Variants in RSBN1L observed in about 807,000 individuals in gnomAD.
RSBN1L encodes the protein round spermatid basic protein 1 like.
A neutral mutation model predicts 67.7 loss-of-function variants in RSBN1L; 30 were observed. That is an observed-to-expected ratio of 0.44 (90% CI 0.33 to 0.60). The LOEUF is 0.60. Among genes scored for constraint, RSBN1L ranks in the 20% least tolerant of loss-of-function variants. The pLI is 0.02. For missense variants in RSBN1L, 992 were observed against 1,031.7 expected, an observed-to-expected ratio of 0.96 and a Z score of 0.53; for synonymous variants, 433 against 387.0, an observed-to-expected ratio of 1.12 and a Z score of -1.39.
At chr7:77,740,084 A>C (rs936412107) in intron 2 of RSBN1L, among the ~76,000 whole-genome samples, 1 of 151,950 alleles carries the variant, frequency 6.6e-6, no homozygotes, top group Admixed American at 6.6e-5. Context: ...AATACACACA[A>C]AATTATATAT....
At position 77,782,791 on chromosome 7, in the gene RSBN1L, G is replaced by A. The variant is rs577176411; in HGVS notation, c.*3623G>A. 8 of 152,256 alleles carry A rather than the reference G, an allele frequency of 5.3e-5. No homozygotes were observed. The highest frequency in any genetic ancestry group is 3.4e-3 in the Middle Eastern group (1 of 294). 9.4% of individuals were successfully genotyped at this position (152,256 alleles called of 1,614,324 possible). On this transcript the variant is annotated 3_prime_UTR_variant, in exon 8 of 8. Transcript: ENST00000334955. The stretch of plus-strand genomic sequence containing the variant: ...AGGTATTTCATTAGTGTTCCTGAGT[G>A]TAAAACAGTTTTTTCCCAAATACTT...
intron 1 of RSBN1L, among the ~76,000 whole-genome samples, chr7:77,720,350 TG>T (rs1791099004): frequency 6.6e-6 from 1 of 151,880 alleles, no homozygotes; most frequent in Non-Finnish European, 1.5e-5. Flanking sequence ...CACCTGAGGT[TG>T]GGAGTTCAAG....
At chr7:77,703,755 T>G (rs1366919081) in intron 1 of RSBN1L, among the ~76,000 whole-genome samples, 30 of 152,084 alleles carry the variant, frequency 2.0e-4, no homozygotes, top group Non-Finnish European at 3.5e-4. Context: ...CCCAAAGTGC[T>G]AGGATTACAG....
intron 1 of RSBN1L, among the ~76,000 whole-genome samples, chr7:77,711,529 T>C (rs1177868384): frequency 2.0e-5 from 3 of 151,998 alleles, no homozygotes. Context: ...TTTTCATAGA[T>C]ATGGCTTCTT....
intron 1 of RSBN1L, among the ~76,000 whole-genome samples, chr7:77,733,395 T>C (rs1396641198): frequency 3.3e-5 from 5 of 152,222 alleles, no homozygotes; most frequent in Non-Finnish European, 7.3e-5. Flanking sequence ...CTGTCTTGGC[T>C]TTGCCATTGT....
At chr7:77,711,304 A>G (rs550551089) in intron 1 of RSBN1L, among the ~76,000 whole-genome samples, 39 of 151,680 alleles carry the variant, frequency 2.6e-4, no homozygotes, top group Non-Finnish European at 5.0e-4. Flanking sequence ...TTGTATAAAA[A>G]AGATATTTTG....
Position 77,778,890 on chromosome 7 carries a change from G to A in RSBN1L, c.2263G>A (p.Glu755Lys), listed in dbSNP as rs1487897187. 1 of 1,613,982 alleles carries A rather than the reference G, an allele frequency of 6.2e-7. No individual in the cohort carries two copies. The highest frequency in any genetic ancestry group is 1.3e-5 in the African/African-American group (1 of 75,032). The change falls in exon 8 of 8, where the codon GAA becomes AAA. Residue 755 changes from glutamate (E) to lysine (K), a missense_variant. Coordinates refer to ENST00000334955, the MANE Select transcript of RSBN1L (RefSeq NM_198467.3). ...SKYELQQIKH[E>K]PIASVRIKEE... The stretch of plus-strand genomic sequence containing the variant: ...ATATGAATTACAGCAGATTAAACAT[G>A]AACCTATTGCATCTGTAAGAATCAA...
intron 6 of RSBN1L, among the ~76,000 whole-genome samples, chr7:77,776,551 C>G (rs376985215): frequency 2.4e-4 from 37 of 152,308 alleles, no homozygotes; most frequent in African/African-American, 8.2e-4. Context: ...TAGCTTCTTT[C>G]ACTTAGCGTA....
At chr7:77,761,857 CTTCAA>C in intron 3 of RSBN1L, among the ~76,000 whole-genome samples, 1 of 152,152 alleles carries the variant, frequency 6.6e-6, no homozygotes, top group East Asian at 1.9e-4. Context: ...ATTTTGATGA[CTTCAA>C]TTTAATTTTT....
Position 77,773,253 on chromosome 7 carries a change from G to A in RSBN1L, c.1732G>A (p.Gly578Ser). ...AGCTCATGCAGATCATATAGGACAA[G>A]GTTTTGAACGACAGACTACAGCTGC... ...TRAHADHIGQ[G>S]FERQTTAAVG... Residue 578 changes from glycine (G) to serine (S), a missense_variant, in exon 6 of 8, where the codon GGT becomes AGT. Gly to Ser is a moderately conservative substitution (Grantham distance 56, BLOSUM62 0). Transcript: ENST00000334955. The A allele has an allele frequency of 6.2e-7, 1 of 1,612,824 alleles. No homozygotes were observed. Among genetic ancestry groups the A allele is most frequent in the African/African-American group, 1.3e-5 (1 of 75,026 alleles).
intron 2 of RSBN1L, among the ~76,000 whole-genome samples, chr7:77,738,832 G>A (rs1236001204): frequency 6.6e-6 from 1 of 151,976 alleles, no homozygotes; most frequent in Non-Finnish European, 1.5e-5. Context: ...CCAGCAACTC[G>A]GGAGGCTGAG....
At chr7:77,735,992 A>G (rs1791331555) in intron 1 of RSBN1L, among the ~76,000 whole-genome samples, 1 of 152,142 alleles carries the variant, frequency 6.6e-6, no homozygotes, top group Non-Finnish European at 1.5e-5. Context: ...ATAATGAGGA[A>G]GGTATCAATT....
At chr7:77,729,293 A>G (rs1204564348) in intron 1 of RSBN1L, among the ~76,000 whole-genome samples, 1 of 152,174 alleles carries the variant, frequency 6.6e-6, no homozygotes, top group Non-Finnish European at 1.5e-5. Flanking sequence ...GAATTTCTCC[A>G]AGGTTTCTGG....
intron 3 of RSBN1L, chr7:77,759,683 G>A (rs1246506115): frequency 6.6e-6 from 1 of 151,986 alleles, no homozygotes; most frequent in Non-Finnish European, 1.5e-5. Flanking sequence ...TCACATTGGT[G>A]CTGATACAAG....
intron 1 of RSBN1L, among the ~76,000 whole-genome samples, chr7:77,700,390 T>G (rs1790799231): frequency 6.6e-6 from 1 of 152,196 alleles, no homozygotes; most frequent in African/African-American, 2.4e-5. Context: ...TTAACTTACT[T>G]TTTTCCTTAA....
chr7:77,768,515 G>T (rs1016460318), intron 4 of RSBN1L, 146 bp from the exon 5 acceptor site: 35 of 676,630 alleles, frequency 5.2e-5, no homozygotes, highest in Non-Finnish European at 3.5e-5. Context: ...AATATATAGG[G>T]ATATATTCAA....
chr7:77,722,352 G>T (rs184577632), intron 1 of RSBN1L, among the ~76,000 whole-genome samples: 1 of 152,206 alleles, frequency 6.6e-6, no homozygotes, highest in African/African-American at 2.4e-5. Flanking sequence ...AGGTAAATGT[G>T]CAGGTTTGGA....
Position 77,696,921 on chromosome 7 carries a change from C to A in RSBN1L, c.452C>A (p.Ala151Asp), listed in dbSNP as rs994750729. The A allele has an allele frequency of 2.5e-6, 4 of 1,602,542 alleles. No homozygotes were observed. In the African/African-American group the frequency reaches 4.0e-5, roughly 16 times the overall value. ...HLLLPAAAAAASANAKSRRPK... is the reference protein window; with the variant it reads ...HLLLPAAAAADSANAKSRRPK... Reference sequence around the variant, plus strand: ...CTCCTGCCCGCCGCCGCCGCCGCTGCCTCGGCTAACGCCAAGTCGCGCAGA... The same window carrying A: ...CTCCTGCCCGCCGCCGCCGCCGCTGACTCGGCTAACGCCAAGTCGCGCAGA... Residue 151 changes from alanine (A) to aspartate (D), a missense_variant, in exon 1 of 8, where the codon GCC (alanine) becomes GAC (aspartate). By Grantham distance (126) the Ala-to-Asp change is moderately radical. This residue lies in a region of RSBN1L where 575 missense variants were observed against 483.2 expected (regional missense o/e 1.19). Coordinates refer to ENST00000334955, the MANE Select transcript of RSBN1L (RefSeq NM_198467.3).
chr7:77,776,796 A>G (rs10278354), intron 6 of RSBN1L, among the ~76,000 whole-genome samples: 1 of 151,622 alleles, frequency 6.6e-6, no homozygotes, highest in African/African-American at 2.4e-5. Context: ...CTGTATGTCT[A>G]TATTATTGTT....
Sources: gnomAD v4.1 joint callset for allele counts (sites outside exome capture counted in the v4.1 genomes callset) on GRCh38, gnomAD v4.1.1 for gene constraint, gnomAD v4.1.1 regional missense constraint, MANE v1.5 for transcripts, NCBI Gene and HGNC (gene_info 2026-07-23, HGNC 2026-07-21) for gene names.